The following CCDC66 variants were observed in gnomAD, a reference collection of about 807,000 sequenced individuals.
CCDC66 encodes coiled-coil domain-containing protein 66.
In CCDC66, 133 loss-of-function variants were observed where a neutral mutation model predicts 128.3. The ratio of observed to expected loss-of-function variants is 1.04; its 90% confidence interval spans 0.90 to 1.20. The LOEUF (loss-of-function observed/expected upper bound fraction) is 1.20, where lower values mean the gene tolerates loss of function less well. Among genes scored for constraint, CCDC66 ranks in the 50% most tolerant of loss-of-function variants. CCDC66 has a pLI of 0.00. For synonymous variants in CCDC66, 387 were observed against 357.0 expected (o/e 1.08, Z -0.95); for missense variants, 1,126 against 1,075.5 (o/e 1.05, Z -0.66).
intron 1 of CCDC66, among the ~76,000 whole-genome samples, chr3:56,558,379 T>G (rs1339335093): frequency 6.6e-6 from 1 of 152,188 alleles, no homozygotes; most frequent in African/African-American, 2.4e-5. Flanking sequence ...ATATTGAAAG[T>G]GGTACTCTTT....
At chr3:56,617,626 A>T (rs763175393) in intron 14 of CCDC66, 21 bp downstream of exon 14, 1 of 1,573,714 alleles carries the variant, frequency 6.4e-7, no homozygotes, top group Non-Finnish European at 8.6e-7. Flanking sequence ...TCCATCTTAG[A>T]TGATGTGTTG....
chr3:56,567,404 A>T (rs907677708), intron 6 of CCDC66, among the ~76,000 whole-genome samples: 3 of 152,206 alleles, frequency 2.0e-5, no homozygotes, highest in Admixed American at 2.0e-4. Flanking sequence ...AATAAATAAA[A>T]AAGAATATGT....
At chr3:56,618,630 G>A (rs2075865788) in intron 15 of CCDC66, 1 of 164,470 alleles carries the variant, frequency 6.1e-6, no homozygotes, top group African/African-American at 2.4e-5. Context: ...GCATGAACCA[G>A]CTGGTTTAGT....
chr3:56,592,784 T>G (rs1261344622), intron 7 of CCDC66, among the ~76,000 whole-genome samples, 186 bp from the exon 8 acceptor site: 1 of 152,196 alleles, frequency 6.6e-6, no homozygotes, highest in Non-Finnish European at 1.5e-5. Context: ...ATTTAAAATA[T>G]GATTCTGAGA....
chr3:56,602,322 A>C (rs983577478), intron 10 of CCDC66, among the ~76,000 whole-genome samples: 1 of 152,102 alleles, frequency 6.6e-6, no homozygotes, highest in African/African-American at 2.4e-5. Flanking sequence ...TATGAAGCCA[A>C]CTTGATCGTG....
intron 3 of CCDC66, among the ~76,000 whole-genome samples, chr3:56,563,218 A>G (rs2065340111): frequency 6.6e-6 from 1 of 151,858 alleles, no homozygotes. Flanking sequence ...AAAACTAGCC[A>G]GGCTTGGTGG....
At chr3:56,619,626 C>G (rs780857143) in intron 16 of CCDC66, 99 bp downstream of exon 16, 85 of 1,489,088 alleles carry the variant, frequency 5.7e-5, no homozygotes, top group Non-Finnish European at 7.7e-5. Context: ...GCACTTAGTT[C>G]TATAAAGTTT....
intron 15 of CCDC66, 96 bp downstream of exon 15, chr3:56,618,308 T>C (rs1375399349): frequency 1.8e-6 from 2 of 1,084,614 alleles, no homozygotes; most frequent in Admixed American, 3.8e-5. Context: ...ATGGTATATG[T>C]AGAGAACAAT....
chr3:56,619,669 T>TC, intron 16 of CCDC66, 108 bp from the exon 17 acceptor site: 1 of 1,490,320 alleles, frequency 6.7e-7, no homozygotes, highest in Admixed American at 2.2e-5. Context: ...CTTAGTACTT[T>TC]CCTAGGATAC....
Position 56,613,599 on chromosome 3 carries a change from C to G in CCDC66, c.1415C>G (p.Thr472Ser), listed in dbSNP as rs779856683. Residue 472 changes from threonine (T) to serine (S), a missense_variant, in exon 11 of 18, where the codon ACT (threonine) becomes AGT (serine). Physicochemically the swap from Thr to Ser is moderately conservative, Grantham distance 58. Coordinates refer to ENST00000394672, the MANE Select transcript of CCDC66 (RefSeq NM_001141947.3). ...ATTGCTTATGACTAGAAAGCCATCACTGCCCAGGTAGAAGAGAAGCGCAGG... is the reference window on the plus strand; with the variant it reads ...ATTGCTTATGACTAGAAAGCCATCAGTGCCCAGGTAGAAGAGAAGCGCAGG... ...QKQLEHQKAI[T>S]AQVEEKRRKK... 6.2e-7 allele frequency: 1 copy of G among 1,611,832 alleles called. No homozygotes were observed. The highest frequency in any genetic ancestry group is 1.1e-5 in the South Asian group (1 of 90,578).
In CCDC66 at chr3:56,557,181, C is replaced by A. The variant is rs1023137003; in HGVS notation, c.-62C>A. ...AATTGGCGTAGCGCTTGCTGAGCGGCGGCGGCAACCGACGTACACAAGGGG... is the reference window on the plus strand; with the variant it reads ...AATTGGCGTAGCGCTTGCTGAGCGGAGGCGGCAACCGACGTACACAAGGGG... On this transcript the variant is annotated 5_prime_UTR_variant, in exon 1 of 18. Coordinates refer to ENST00000394672, the MANE Select transcript of CCDC66 (RefSeq NM_001141947.3). 6.5e-7 allele frequency: 1 copy of A among 1,549,906 alleles called. No individual in the cohort carries two copies. Among genetic ancestry groups the A allele is most frequent in the East Asian group, 2.4e-5 (1 of 40,872 alleles).
rs1159189127 is a variant in CCDC66 at position 56,574,754 on chromosome 3, G to T, written c.936+3452G>T. Among the ~76,000 whole-genome samples, 3 of 151,916 alleles carry T rather than the reference G, an allele frequency of 2.0e-5. No individual in the cohort carries two copies. In the East Asian group the frequency reaches 5.9e-4, roughly 30 times the overall value. ...CAGGCTGAACAGGCACAGTCATGTT[G>T]CACTCCAGCCTTGAACTCCTGGGTT... On this transcript the variant is annotated intron_variant, in intron 7 of 17. Transcript: ENST00000394672.
chr3:56,601,910 T>G (rs1415150121), intron 10 of CCDC66, among the ~76,000 whole-genome samples: 1 of 152,150 alleles, frequency 6.6e-6, no homozygotes, highest in African/African-American at 2.4e-5. Flanking sequence ...TCATGTCATC[T>G]GCAAACAGAG....
intron 10 of CCDC66, among the ~76,000 whole-genome samples, chr3:56,610,712 ATTGTC>A (rs2074676968): frequency 6.6e-6 from 1 of 151,960 alleles, no homozygotes; most frequent in African/African-American, 2.4e-5. Flanking sequence ...TGTCAGAGGG[ATTGTC>A]TAGGGCTGAA....
intron 4 of CCDC66, among the ~76,000 whole-genome samples, chr3:56,564,441 A>G (rs2065525485): frequency 6.6e-6 from 1 of 152,196 alleles, no homozygotes; most frequent in Non-Finnish European, 1.5e-5. Context: ...AAATAGTTAT[A>G]TGAAACATTG....
Position 56,559,675 on chromosome 3 carries a change from G to C in CCDC66, c.102+81G>C, listed in dbSNP as rs1478592474. 8.2e-6 allele frequency: 9 copies of C among 1,100,418 alleles called. No individual in the cohort carries two copies. The East Asian group carries it at 2.5e-4, about 31-fold the overall frequency. The allele number at this position is 1,100,418 out of a possible 1,614,324, so 68.2% of individuals were successfully genotyped here. ...TATAGTGGTTAGAAAATAATTCCTG[G>C]GAAATGTCAAGTGTTCTAAGGGGTT... On this transcript the variant is annotated intron_variant, in intron 3 of 17. Transcript: ENST00000394672.
intron 7 of CCDC66, among the ~76,000 whole-genome samples, chr3:56,582,642 C>G (rs1465843913): frequency 4.6e-5 from 7 of 151,544 alleles, no homozygotes; most frequent in African/African-American, 1.7e-4. Flanking sequence ...TGCAACTTTG[C>G]TGAATTTATT....
chr3:56,562,097 G>A (rs1363350099), intron 3 of CCDC66, among the ~76,000 whole-genome samples: 1 of 151,632 alleles, frequency 6.6e-6, no homozygotes, highest in African/African-American at 2.4e-5. Flanking sequence ...CTGGAGTGCA[G>A]TGGGACAATT....
intron 7 of CCDC66, among the ~76,000 whole-genome samples, chr3:56,571,779 T>C (rs1453124599): frequency 6.6e-6 from 1 of 152,028 alleles, no homozygotes; most frequent in Non-Finnish European, 1.5e-5. Flanking sequence ...TATGCAGTGG[T>C]GAAAACATAA....
Sources: gnomAD v4.1 joint callset for allele counts (sites outside exome capture counted in the v4.1 genomes callset) on GRCh38, gnomAD v4.1.1 for gene constraint, MANE v1.5 for transcripts, NCBI Gene and HGNC (gene_info 2026-07-23, HGNC 2026-07-21) for gene names.